The following BCAS3 variants were observed in gnomAD, a reference collection of about 807,000 sequenced individuals.
BCAS3 encodes BCAS4/BCAS3 fusion.
BCAS3 carries 53 observed loss-of-function variants against 116.1 expected under a neutral mutation model. That is an observed-to-expected ratio of 0.46 (90% confidence interval 0.37 to 0.57). The LOEUF (loss-of-function observed/expected upper bound fraction) is 0.57. Among genes scored for constraint, BCAS3 ranks in the 20% least tolerant of loss-of-function variants. The pLI is 0.00. For synonymous variants in BCAS3, 391 were observed against 408.2 expected, an observed-to-expected ratio of 0.96 and a Z score of 0.51; for missense variants, 917 against 1,165.4, an observed-to-expected ratio of 0.79 and a Z score of 3.10.
chr17:60,774,875 C>A (rs1164806774), intron 6 of BCAS3, among the ~76,000 whole-genome samples: 1 of 152,136 alleles, frequency 6.6e-6, no homozygotes, highest in African/African-American at 2.4e-5. Context: ...TCCTGGGCTG[C>A]GTGTTGTTGG....
chr17:60,932,940 C>T (rs559842195), intron 13 of BCAS3, among the ~76,000 whole-genome samples: 9 of 151,866 alleles, frequency 5.9e-5, no homozygotes, highest in East Asian at 1.9e-4. Flanking sequence ...TTTGGGAGGC[C>T]GAGGAGGGCG....
chr17:60,896,128 C>A (rs1168097452), intron 10 of BCAS3, among the ~76,000 whole-genome samples: 1 of 152,126 alleles, frequency 6.6e-6, no homozygotes, highest in African/African-American at 2.4e-5. Context: ...GAGTTCAAGA[C>A]CAGCCTGGCC....
At chr17:60,705,148 CAATA>C in intron 4 of BCAS3, among the ~76,000 whole-genome samples, 1 of 152,140 alleles carries the variant, frequency 6.6e-6, no homozygotes, top group East Asian at 1.9e-4. Context: ...AAGCTTGAAA[CAATA>C]AATTCCTGCT....
At chr17:60,987,951 A>G (rs1384113086) in intron 14 of BCAS3, among the ~76,000 whole-genome samples, 1 of 152,112 alleles carries the variant, frequency 6.6e-6, no homozygotes, top group East Asian at 1.9e-4. Context: ...GTAAGATACT[A>G]GCTGTGGGTC....
chr17:61,392,211 C>T lies in BCAS3; in HGVS notation c.*86C>T. ...CCGCTCTGGTCCTACCCTTCAGTCT[C>T]TGCTCTTCCTTCATCAACCACCTTC... On this transcript the variant is annotated 3_prime_UTR_variant, in exon 24 of 24. Coordinates refer to ENST00000407086, the MANE Select transcript of BCAS3 (RefSeq NM_017679.5). This position sits in a 1 kb window ranked among gnomAD's most constrained non-coding sequence, Gnocchi z 6.4. The T allele has an allele frequency of 6.9e-7, 1 of 1,454,280 alleles. No homozygotes were observed. Among genetic ancestry groups the T allele is most frequent in the Non-Finnish European group, 9.3e-7 (1 of 1,074,690 alleles). 90.1% of individuals were successfully genotyped at this position (1,454,280 alleles called of 1,614,324 possible).
At chr17:61,079,434 A>G (rs2072341129) in intron 21 of BCAS3, among the ~76,000 whole-genome samples, 1 of 152,190 alleles carries the variant, frequency 6.6e-6, no homozygotes, top group Non-Finnish European at 1.5e-5. Context: ...GTATCTGTTT[A>G]GAAAATATGA....
intron 6 of BCAS3, among the ~76,000 whole-genome samples, chr17:60,799,948 G>A (rs534695778): frequency 2.0e-5 from 3 of 151,650 alleles, no homozygotes; most frequent in Admixed American, 6.6e-5. Flanking sequence ...TTTTAATTTC[G>A]ATTAGTATTT....
intron 3 of BCAS3, chr17:60,688,032 G>A (rs963602743): frequency 5.9e-5 from 9 of 152,072 alleles, no homozygotes; most frequent in Admixed American, 1.3e-4. Flanking sequence ...ATCAAATGTC[G>A]CAAAGGAATA....
intron 15 of BCAS3, among the ~76,000 whole-genome samples, chr17:61,006,901 T>C (rs1471303184): frequency 2.0e-5 from 3 of 152,050 alleles, no homozygotes; most frequent in Non-Finnish European, 4.4e-5. Flanking sequence ...GATTTTTCAT[T>C]GTTGAAGGAG....
intron 22 of BCAS3, among the ~76,000 whole-genome samples, chr17:61,160,809 C>T (rs1469784049): frequency 2.6e-5 from 4 of 152,156 alleles, no homozygotes; most frequent in Non-Finnish European, 4.4e-5. Context: ...CTTTCCTCCA[C>T]ATTTTGGAGC....
chr17:61,311,880 C>T (rs921800149), intron 22 of BCAS3, among the ~76,000 whole-genome samples: 4 of 147,842 alleles, frequency 2.7e-5, no homozygotes, highest in Admixed American at 1.3e-4. Context: ...GGTGACAGAG[C>T]GAGACTCCAT....
At chr17:60,891,310 G>A (rs2057131594) in intron 10 of BCAS3, among the ~76,000 whole-genome samples, 1 of 152,134 alleles carries the variant, frequency 6.6e-6, no homozygotes, top group Non-Finnish European at 1.5e-5. Context: ...GTTACATATT[G>A]CCTTTGAGGG....
At position 61,180,615 on chromosome 17, in the gene BCAS3, G is replaced by T. The variant is rs1467827159; in HGVS notation, c.2425+96051G>T. ...ACTCAGAGGACCCAATAGCAAATGA[G>T]GCACTTAGATAGCATGTGATGGCAG... On this transcript the variant is annotated intron_variant, in intron 22 of 23. Transcript: ENST00000407086. The surrounding 1 kb of genome is among the most constrained non-coding windows in gnomAD (Gnocchi z 6.0). Among the ~76,000 whole-genome samples the T allele has an allele frequency of 6.6e-6, 1 of 152,236 alleles. No homozygotes were observed. The highest frequency in any genetic ancestry group is 1.5e-5 in the Non-Finnish European group (1 of 68,040).
chr17:60,934,617 C>T (rs2059823514), intron 13 of BCAS3, among the ~76,000 whole-genome samples: 1 of 152,210 alleles, frequency 6.6e-6, no homozygotes, highest in African/African-American at 2.4e-5. Context: ...GTCCCAGTAG[C>T]CTCTGAGCCT....
rs939903172 is a variant in BCAS3 at position 61,028,493 on chromosome 17, A to C, written c.1638-6173A>C. On this transcript the variant is annotated intron_variant, in intron 16 of 23. Coordinates refer to ENST00000407086, the MANE Select transcript of BCAS3 (RefSeq NM_017679.5). This position sits in a 1 kb window ranked among gnomAD's most constrained non-coding sequence, Gnocchi z 4.3. ...TATGACAAAATTTCTTTGTAAACTT[A>C]GAATTAAATTCCATTTTAGGATAAA... Among the ~76,000 whole-genome samples the C allele has an allele frequency of 6.6e-6, 1 of 151,934 alleles. No individual in the cohort carries two copies. The highest frequency in any genetic ancestry group is 2.4e-5 in the African/African-American group (1 of 41,456).
intron 16 of BCAS3, among the ~76,000 whole-genome samples, chr17:61,030,241 C>T (rs1770307045): frequency 6.6e-6 from 1 of 152,114 alleles, no homozygotes; most frequent in South Asian, 2.1e-4. Context: ...TTAGCGCCTT[C>T]CATGCTTGTG....
rs1430904975 is a variant in BCAS3, at chr17:60,700,641, C to G, written c.215-8578C>G. The stretch of plus-strand genomic sequence containing the variant: ...TTTAGAGACTAGGTAGAAAAGAATG[C>G]TCCAGCAGAGAGAATGGTGAAGGAG... On this transcript the variant is annotated intron_variant, in intron 4 of 23. Transcript: ENST00000407086. 5.3e-5 allele frequency among the ~76,000 whole-genome samples: 8 copies of G among 152,286 alleles called. No homozygotes were observed. In the East Asian group the frequency reaches 1.5e-3, roughly 29 times the overall value.
At chr17:60,738,382 G>T (rs2041189274) in intron 5 of BCAS3, among the ~76,000 whole-genome samples, 1 of 152,146 alleles carries the variant, frequency 6.6e-6, no homozygotes. Flanking sequence ...GTGCTGTGTT[G>T]TTAAGCACAT....
chr17:61,219,613 A>G lies in BCAS3; in HGVS notation c.2425+135049A>G, dbSNP rs1241769967. Among the ~76,000 whole-genome samples the G allele has an allele frequency of 1.3e-5, 2 of 152,206 alleles. No homozygotes were observed. Among genetic ancestry groups the G allele is most frequent in the Non-Finnish European group, 2.9e-5 (2 of 68,038 alleles). ...ATTTCAGCTTTCTGCTGCTGACAAC[A>G]TCAGAAGTGTTTTAACAGGGTTTTA... On this transcript the variant is annotated intron_variant, in intron 22 of 23. Coordinates refer to ENST00000407086, the MANE Select transcript of BCAS3 (RefSeq NM_017679.5). This position sits in a 1 kb window ranked among gnomAD's most constrained non-coding sequence, Gnocchi z 5.2.
Sources: gnomAD v4.1 joint callset for allele counts (sites outside exome capture counted in the v4.1 genomes callset) on GRCh38, gnomAD v4.1.1 for gene constraint, Gnocchi (gnomAD v3.1) non-coding constraint, MANE v1.5 for transcripts, NCBI Gene and HGNC (gene_info 2026-07-23, HGNC 2026-07-21) for gene names.